Variants in KCNH1 observed in about 807,000 individuals in gnomAD.
KCNH1 encodes potassium voltage-gated channel subfamily H member 1, also known as voltage-gated delayed rectifier potassium channel KCNH1.
In KCNH1, 27 loss-of-function variants were observed where a neutral mutation model predicts 69.2. The observed-to-expected ratio is 0.39, with a 90% CI of 0.29 to 0.54. The LOEUF is 0.54. KCNH1 is among the 20% of genes least tolerant of loss of function. KCNH1 has a pLI of 0.68. For synonymous variants in KCNH1, 456 were observed against 487.7 expected, an observed-to-expected ratio of 0.93 and a Z score of 0.86; for missense variants, 798 against 1,261.6, an observed-to-expected ratio of 0.63 and a Z score of 5.57.
intron 6 of KCNH1, among the ~76,000 whole-genome samples, chr1:210,926,879 A>T (rs552695046): frequency 1.3e-5 from 2 of 152,276 alleles, no homozygotes; most frequent in East Asian, 3.9e-4. Flanking sequence ...AAAAACAATC[A>T]CAACTTCTGG....
intron 9 of KCNH1, among the ~76,000 whole-genome samples, chr1:210,792,142 C>G (rs1684223383): frequency 6.6e-6 from 1 of 152,160 alleles, no homozygotes; most frequent in Admixed American, 6.5e-5. Context: ...ACTATTCCCT[C>G]TCCTTACCTC....
At chr1:210,815,262 T>C (rs767005260) in intron 7 of KCNH1, among the ~76,000 whole-genome samples, 1 of 152,050 alleles carries the variant, frequency 6.6e-6, no homozygotes, top group Non-Finnish European at 1.5e-5. Context: ...CCTAATAAGG[T>C]TTTAGTATAA....
intron 6 of KCNH1, among the ~76,000 whole-genome samples, chr1:210,988,759 A>G (rs1002568643): frequency 2.0e-5 from 3 of 152,228 alleles, no homozygotes; most frequent in African/African-American, 7.2e-5. Context: ...AGCAGTGTTC[A>G]TGTTGGAGTG....
intron 10 of KCNH1, among the ~76,000 whole-genome samples, chr1:210,697,999 C>A (rs17260690): frequency 0.11 from 16,383 of 152,216 alleles, 1,018 homozygotes; most frequent in Middle Eastern, 0.15. Context: ...ATATGGATAG[C>A]CAGTTTGTGG....
At chr1:210,979,836 C>T (rs1447292522) in intron 6 of KCNH1, among the ~76,000 whole-genome samples, 39 of 152,098 alleles carry the variant, frequency 2.6e-4, no homozygotes, top group Non-Finnish European at 1.0e-4. Context: ...CCATTAAGTG[C>T]TAATGAATTC....
At chr1:211,125,147 C>G (rs1316839549) in intron 1 of KCNH1, among the ~76,000 whole-genome samples, 1 of 152,302 alleles carries the variant, frequency 6.6e-6, no homozygotes, top group East Asian at 1.9e-4. Flanking sequence ...GAAAGAACAA[C>G]AAGAATAAGG....
chr1:211,063,241 G>T (rs1291152955), intron 5 of KCNH1, among the ~76,000 whole-genome samples: 1 of 152,052 alleles, frequency 6.6e-6, no homozygotes, highest in Non-Finnish European at 1.5e-5. Context: ...TCATGTGGGG[G>T]CCCAAAAAAA....
At chr1:211,038,634 T>C (rs1233218190) in intron 5 of KCNH1, among the ~76,000 whole-genome samples, 1 of 152,010 alleles carries the variant, frequency 6.6e-6, no homozygotes, top group Non-Finnish European at 1.5e-5. Context: ...TGGTCTCAGG[T>C]GGAGATGAGG....
At chr1:210,981,658 C>T (rs1688712783) in intron 6 of KCNH1, among the ~76,000 whole-genome samples, 1 of 151,992 alleles carries the variant, frequency 6.6e-6, no homozygotes. Context: ...TTCAAATTGC[C>T]CAAAGTCCAT....
At chr1:211,098,321 GAA>G (rs61005709) in intron 3 of KCNH1, among the ~76,000 whole-genome samples, 6 of 128,296 alleles carry the variant, frequency 4.7e-5, no homozygotes, top group Admixed American at 8.0e-5. Context: ...ACCCTGTCTT[GAA>G]AAAAAAAAAA....
intron 10 of KCNH1, among the ~76,000 whole-genome samples, chr1:210,760,221 A>C (rs960826851): frequency 1.3e-5 from 2 of 152,140 alleles, no homozygotes; most frequent in Non-Finnish European, 2.9e-5. Context: ...TCCAAGGTCA[A>C]TGTGAAAGAA....
At chr1:210,906,865 C>T (rs1488664713) in intron 7 of KCNH1, among the ~76,000 whole-genome samples, 1 of 152,176 alleles carries the variant, frequency 6.6e-6, no homozygotes, top group Non-Finnish European at 1.5e-5. Context: ...TGATGCCATG[C>T]TGATCAAATT....
chr1:210,970,621 CT>C (rs1336855674), intron 6 of KCNH1, among the ~76,000 whole-genome samples: 2 of 152,102 alleles, frequency 1.3e-5, no homozygotes, highest in Non-Finnish European at 2.9e-5. Flanking sequence ...TTCCTCACAC[CT>C]TATACAAAAA....
chr1:210,949,344 T>C (rs1190074778), intron 6 of KCNH1, among the ~76,000 whole-genome samples: 1 of 152,212 alleles, frequency 6.6e-6, no homozygotes, highest in Non-Finnish European at 1.5e-5. Context: ...TTCAAGTTCC[T>C]TTCCGATGTC....
intron 7 of KCNH1, among the ~76,000 whole-genome samples, chr1:210,882,084 C>G (rs1173379330): frequency 6.6e-6 from 1 of 152,058 alleles, no homozygotes; most frequent in African/African-American, 2.4e-5. Context: ...ATATATCACT[C>G]AGGTGGGGGA....
intron 5 of KCNH1, among the ~76,000 whole-genome samples, chr1:211,031,769 T>G (rs1689789872): frequency 6.6e-6 from 1 of 152,152 alleles, no homozygotes; most frequent in Non-Finnish European, 1.5e-5. Context: ...CTCAAAATAA[T>G]AAGAGCTATC....
At chr1:210,957,114 T>C (rs1688192419) in intron 6 of KCNH1, among the ~76,000 whole-genome samples, 1 of 150,998 alleles carries the variant, frequency 6.6e-6, no homozygotes, top group South Asian at 2.1e-4. Flanking sequence ...GTACATTGTG[T>C]CTTTGTTCTC....
intron 7 of KCNH1, chr1:210,860,029 G>A (rs183920251): frequency 4.1e-4 from 620 of 1,526,004 alleles, no homozygotes; most frequent in East Asian, 2.3e-3. Flanking sequence ...TCAACGTGAC[G>A]CCCTTTGCAC....
Position 211,128,688 on chromosome 1 carries a change from C to T in KCNH1, c.79+5179G>A, listed in dbSNP as rs114095297. 6.8e-3 allele frequency among the ~76,000 whole-genome samples: 1,040 copies of T among 152,114 alleles called. 11 individuals are homozygous for T. The highest frequency in any genetic ancestry group is 0.011 in the Non-Finnish European group (732 of 67,988). Reference sequence around the variant, plus strand: ...TTGTTTTGTGTGCTTTTCTATTTGTCGTACTGAACAATTAAAAAGGTTAAA... The same window carrying T: ...TTGTTTTGTGTGCTTTTCTATTTGTTGTACTGAACAATTAAAAAGGTTAAA... On this transcript the variant is annotated intron_variant, in intron 1 of 10. Coordinates refer to ENST00000271751, the MANE Select transcript of KCNH1 (RefSeq NM_172362.3).
Sources: gnomAD v4.1 joint callset for allele counts (sites outside exome capture counted in the v4.1 genomes callset) on GRCh38, gnomAD v4.1.1 for gene constraint, MANE v1.5 for transcripts, NCBI Gene and HGNC (gene_info 2026-07-23, HGNC 2026-07-21) for gene names.